FMN1: variants seen among roughly 807,000 people sequenced by gnomAD.
FMN1 encodes formin-1.
A neutral mutation model predicts 132.4 loss-of-function variants in FMN1; 110 were observed. The ratio of observed to expected loss-of-function variants is 0.83; its 90% CI spans 0.71 to 0.97. The LOEUF (loss-of-function observed/expected upper bound fraction) is 0.97. Among genes scored for constraint, FMN1 ranks in the 50% least tolerant of loss-of-function variants. The pLI is 0.00. For missense variants in FMN1, 1,792 were observed against 1,705.3 expected (o/e 1.05, Z -0.90); for synonymous variants, 722 against 651.7 (o/e 1.11, Z -1.64).
At chr15:33,008,201 G>T (rs1231681367) in intron 6 of FMN1, 126 bp from the exon 7 acceptor site, 2 of 736,640 alleles carry the variant, frequency 2.7e-6, no homozygotes, top group South Asian at 1.8e-5. Context: ...CCTTACAAGA[G>T]ATGTTAAAAA....
At chr15:33,012,935 G>T in intron 6 of FMN1, 2 of 506,794 alleles carry the variant, frequency 3.9e-6, no homozygotes, top group South Asian at 3.0e-5. Flanking sequence ...TCAAATTTTT[G>T]ATCCATGAAG....
chr15:33,025,751 G>A (rs2035634897), intron 6 of FMN1, among the ~76,000 whole-genome samples: 1 of 152,068 alleles, frequency 6.6e-6, no homozygotes, highest in African/African-American at 2.4e-5. Flanking sequence ...GATACAGAAT[G>A]ACACAGATAA....
chr15:32,954,507 C>G (rs1019546485), intron 9 of FMN1, among the ~76,000 whole-genome samples: 1 of 152,112 alleles, frequency 6.6e-6, no homozygotes, highest in South Asian at 2.1e-4. Context: ...GATGAGAAAC[C>G]TGAGATCGGA....
At chr15:32,857,194 T>C (rs2059153683) in intron 16 of FMN1, 87 bp from the exon 17 acceptor site, 2 of 1,021,578 alleles carry the variant, frequency 2.0e-6, no homozygotes, top group Admixed American at 3.5e-5. Context: ...TGCACTTGGC[T>C]ATCAATTGTG....
In FMN1 at chr15:32,770,406, C is replaced by CT. The variant is rs1265888355; in HGVS notation, c.*3903_*3904insA. The CT allele has an allele frequency of 2.8e-5, 2 of 71,238 alleles. No individual in the cohort carries two copies. Among genetic ancestry groups the CT allele is most frequent in the African/African-American group, 6.7e-5 (2 of 29,754 alleles). 4.4% of individuals were successfully genotyped at this position (71,238 alleles called of 1,614,324 possible). A position where few individuals can be genotyped will look rare whatever the true frequency, so the allele number is the denominator to read the frequency against. On this transcript the variant is annotated 3_prime_UTR_variant, in exon 21 of 21. Transcript: ENST00000616417. Reference sequence around the variant, plus strand: ...AAAATGAAAATTTCTCTGTTGCAAACATCATAGAGAAAATGTGCAATCCCA... The same window carrying CT: ...AAAATGAAAATTTCTCTGTTGCAAACTATCATAGAGAAAATGTGCAATCCCA...
At chr15:32,960,991 G>A (rs1353404018) in intron 9 of FMN1, among the ~76,000 whole-genome samples, 74 of 73,492 alleles carry the variant, frequency 1.0e-3, no homozygotes, top group Admixed American at 4.6e-3. Flanking sequence ...GTGAGACTCC[G>A]TCTCAAAAAA....
intron 3 of FMN1, among the ~76,000 whole-genome samples, chr15:33,179,119 G>C: frequency 6.6e-6 from 1 of 152,006 alleles, no homozygotes; most frequent in Non-Finnish European, 1.5e-5. Flanking sequence ...TCATAATTAG[G>C]AACAAAATTG....
At chr15:33,102,039 C>A (rs189609636) in intron 4 of FMN1, among the ~76,000 whole-genome samples, 5 of 152,128 alleles carry the variant, frequency 3.3e-5, no homozygotes, top group African/African-American at 1.2e-4. Flanking sequence ...ACCAAGTTTA[C>A]TTGTGTCTTC....
intron 9 of FMN1, among the ~76,000 whole-genome samples, chr15:32,935,735 C>T (rs1304250106): frequency 1.3e-5 from 2 of 152,034 alleles, no homozygotes; most frequent in Non-Finnish European, 2.9e-5. Context: ...TCAAGCGATT[C>T]GCCTGCCTCA....
intron 16 of FMN1, among the ~76,000 whole-genome samples, chr15:32,870,884 G>A (rs994506821): frequency 2.6e-5 from 4 of 152,194 alleles, no homozygotes; most frequent in African/African-American, 7.2e-5. Context: ...CATTAGAAAT[G>A]CATATGTATT....
chr15:33,145,749 A>G (rs1010898449), intron 4 of FMN1, among the ~76,000 whole-genome samples: 1 of 151,576 alleles, frequency 6.6e-6, no homozygotes, highest in Non-Finnish European at 1.5e-5. Context: ...ACAAGTCTGA[A>G]TCCTAGGGAG....
intron 9 of FMN1, among the ~76,000 whole-genome samples, chr15:32,963,186 C>A (rs1238096146): frequency 6.6e-6 from 1 of 151,344 alleles, no homozygotes; most frequent in Non-Finnish European, 1.5e-5. Context: ...AGTTCACGTC[C>A]TTTGTAGGGA....
chr15:33,163,624 G>GTT, intron 3 of FMN1, among the ~76,000 whole-genome samples: 1 of 115,190 alleles, frequency 8.7e-6, no homozygotes, highest in Non-Finnish European at 2.0e-5. Context: ...GTTTTGTTTT[G>GTT]TTTTGTTTTT....
intron 16 of FMN1, among the ~76,000 whole-genome samples, chr15:32,867,692 C>T (rs767124147): frequency 2.0e-5 from 3 of 152,138 alleles, no homozygotes; most frequent in African/African-American, 4.8e-5. Context: ...GGGGTTTCAC[C>T]ATGTTAGCCG....
intron 9 of FMN1, among the ~76,000 whole-genome samples, chr15:32,946,508 TAGTCATATTGC>T (rs2061514866): frequency 1.3e-5 from 2 of 152,218 alleles, no homozygotes; most frequent in South Asian, 4.1e-4. Flanking sequence ...CATTCCTAAT[TAGTCATATTGC>T]AACAAGGGAA....
chr15:32,889,083 G>A (rs1439272265), intron 15 of FMN1, among the ~76,000 whole-genome samples: 1 of 152,038 alleles, frequency 6.6e-6, no homozygotes, highest in Non-Finnish European at 1.5e-5. Flanking sequence ...TCTAACTCCT[G>A]GGCTCAAGCG....
At chr15:32,965,293 G>A (rs1161432100) in intron 8 of FMN1, among the ~76,000 whole-genome samples, 2 of 152,002 alleles carry the variant, frequency 1.3e-5, no homozygotes, top group African/African-American at 4.8e-5. Context: ...CTAGCTACTT[G>A]GGAGGCTGAG....
chr15:32,967,935 T>G (rs929432410), intron 8 of FMN1, among the ~76,000 whole-genome samples: 3 of 152,236 alleles, frequency 2.0e-5, no homozygotes, highest in African/African-American at 7.2e-5. Flanking sequence ...AGAGACAACT[T>G]AAGATCTCTT....
chr15:33,079,867 T>G (rs895951569), intron 5 of FMN1, among the ~76,000 whole-genome samples: 1 of 152,204 alleles, frequency 6.6e-6, no homozygotes, highest in African/African-American at 2.4e-5. Flanking sequence ...CTTAAAGCGA[T>G]GAGGAATTTG....
Sources: allele counts gnomAD v4.1 joint callset (sites outside exome capture counted in the v4.1 genomes callset), GRCh38; gene constraint gnomAD v4.1.1; transcripts MANE v1.5; gene names NCBI Gene and HGNC (gene_info 2026-07-23, HGNC 2026-07-21).